The following RECK variants were observed in gnomAD, a reference collection of about 807,000 sequenced individuals.
RECK encodes the protein reversion-inducing cysteine-rich protein with Kazal motifs.
RECK carries 69 observed loss-of-function variants against 115.1 expected under a neutral mutation model. The observed-to-expected ratio is 0.60, with a 90% confidence interval of 0.49 to 0.73. RECK has a LOEUF of 0.73. RECK is among the 30% of genes least tolerant of loss of function. The pLI is 0.00. For synonymous variants in RECK, 414 were observed against 419.7 expected (o/e 0.99, Z 0.17); for missense variants, 1,047 against 1,203.7 (o/e 0.87, Z 1.93).
At chr9:36,099,398 C>T (rs1823474848) in intron 10 of RECK, among the ~76,000 whole-genome samples, 1 of 152,168 alleles carries the variant, frequency 6.6e-6, no homozygotes, top group African/African-American at 2.4e-5. Context: ...GTAAAACAGT[C>T]CTATCCTTCT....
intron 20 of RECK, 130 bp from the exon 21 acceptor site, chr9:36,122,694 C>T (rs1824505405): frequency 1.5e-6 from 1 of 661,502 alleles, no homozygotes; most frequent in South Asian, 1.9e-5. Flanking sequence ...TGGATAAGAA[C>T]AGAAGGACAA....
rs991071475 is a variant in RECK at position 36,063,799 on chromosome 9, G to C, written c.276G>C (p.Val92=). 2 of 1,613,962 alleles carry C rather than the reference G, an allele frequency of 1.2e-6. No homozygotes were observed. Among genetic ancestry groups the C allele is most frequent in the Non-Finnish European group, 1.7e-6 (2 of 1,179,838 alleles). The stretch of plus-strand genomic sequence containing the variant: ...TTTAAACATTTTGTTTTTAAGGTGT[G>C]TTTAAGAAGTCTGATGGCTGGGTTG... The part of the protein sequence containing the change: ...WNCMNSSLPG[V]FKKSDGWVGL... The change falls in exon 5 of 21, where the codon GTG becomes GTC. Residue 92 remains valine, a synonymous_variant. Coordinates refer to ENST00000377966, the MANE Select transcript of RECK (RefSeq NM_021111.3).
At chr9:36,049,134 T>C (rs1821186051) in intron 1 of RECK, among the ~76,000 whole-genome samples, 1 of 152,186 alleles carries the variant, frequency 6.6e-6, no homozygotes, top group Non-Finnish European at 1.5e-5. Flanking sequence ...AGAGCTTCTA[T>C]GTCCTCTTAT....
rs768133904 is a variant in RECK, at chr9:36,105,109, G to T, written c.1436-34G>T. On this transcript the variant is annotated intron_variant, in intron 12 of 20. Coordinates refer to ENST00000377966, the MANE Select transcript of RECK (RefSeq NM_021111.3). ...TTTACAGTTTTCTCTTACTCTTTTA[G>T]GTTGGTTAAACTAATCTGTTTTGGT... is the stretch of plus-strand genomic sequence containing the variant. 1.9e-6 allele frequency: 3 copies of T among 1,586,958 alleles called. No homozygotes were observed. In the South Asian group the frequency reaches 3.3e-5, roughly 18 times the overall value.
intron 16 of RECK, among the ~76,000 whole-genome samples, chr9:36,113,921 C>T (rs951949837): frequency 5.9e-5 from 9 of 152,116 alleles, no homozygotes; most frequent in African/African-American, 2.4e-5. Context: ...ATACAAATTC[C>T]AAAATATCAA....
intron 1 of RECK, among the ~76,000 whole-genome samples, chr9:36,038,877 T>TC (rs1820767334): frequency 6.6e-6 from 1 of 152,114 alleles, no homozygotes; most frequent in Non-Finnish European, 1.5e-5. Context: ...AGTATGAAGT[T>TC]TCTTTTGGGA....
At chr9:36,092,415 A>G (rs540666081) in intron 10 of RECK, among the ~76,000 whole-genome samples, 1 of 152,072 alleles carries the variant, frequency 6.6e-6, no homozygotes, top group East Asian at 1.9e-4. Flanking sequence ...TCTGTCACCC[A>G]GGCTGGAGTA....
rs1564125554 is a variant in RECK at position 36,094,476 on chromosome 9, A to C, written c.1085+3133A>C. 6.6e-6 allele frequency among the ~76,000 whole-genome samples: 1 copy of C among 152,156 alleles called. No homozygotes were observed. The highest frequency in any genetic ancestry group is 2.4e-5 in the African/African-American group (1 of 41,462). The stretch of plus-strand genomic sequence containing the variant: ...AAACACAACACAAAGAGGTATAGCT[A>C]AGAAGCTAATAGGAAATATAAAATG... On this transcript the variant is annotated intron_variant, in intron 10 of 20. Transcript: ENST00000377966. This position sits in a 1 kb window ranked among gnomAD's most constrained non-coding sequence, Gnocchi z 4.1.
At chr9:36,058,754 G>A in intron 2 of RECK, 73 bp from the exon 3 acceptor site, 1 of 880,988 alleles carries the variant, frequency 1.1e-6, no homozygotes, top group South Asian at 1.8e-5. Context: ...TAAATCTAGA[G>A]GATAATAAGT....
intron 15 of RECK, among the ~76,000 whole-genome samples, chr9:36,110,534 A>G (rs1382646661): frequency 6.6e-6 from 1 of 152,168 alleles, no homozygotes; most frequent in Non-Finnish European, 1.5e-5. Context: ...TGACTTTCCT[A>G]TGCTTTGCTG....
Position 36,063,890 on chromosome 9 carries a change from G to T in RECK, c.357+10G>T, listed in dbSNP as rs779078107. ...ACAGGCATGCAAGCAGGTAACACTG[G>T]GTAGTCAGGCTCTCAAACATCATGG... is the stretch of plus-strand genomic sequence containing the variant. On this transcript the variant is annotated intron_variant, in intron 5 of 20. Transcript: ENST00000377966. The T allele has an allele frequency of 6.2e-7, 1 of 1,613,282 alleles. No homozygotes were observed. Among genetic ancestry groups the T allele is most frequent in the Non-Finnish European group, 8.5e-7 (1 of 1,179,258 alleles).
chr9:36,042,011 T>A (rs7018677), intron 1 of RECK, among the ~76,000 whole-genome samples: 83,256 of 151,682 alleles, frequency 0.55, 23,216 homozygotes, highest in East Asian at 0.79. Flanking sequence ...GTGAGAGAAA[T>A]TTTTTTGTAC....
intron 18 of RECK, among the ~76,000 whole-genome samples, chr9:36,119,292 C>T (rs952936082): frequency 2.6e-5 from 4 of 151,990 alleles, no homozygotes; most frequent in South Asian, 2.1e-4. Flanking sequence ...TTACTTATTA[C>T]AAAGTTAACA....
chr9:36,061,393 T>TACACAC (rs58265948), intron 4 of RECK, among the ~76,000 whole-genome samples: 7,966 of 129,002 alleles, frequency 0.062, 327 homozygotes, highest in Middle Eastern at 0.089. Flanking sequence ...TGTAATTTTC[T>TACACAC]ACACACACAC....
intron 1 of RECK, among the ~76,000 whole-genome samples, chr9:36,040,716 G>A (rs10972705): frequency 0.087 from 13,166 of 151,860 alleles, 702 homozygotes; most frequent in East Asian, 0.3. Flanking sequence ...CTCAAGAGTA[G>A]AGTGGTGTGG....
chr9:36,118,440 T>TA (rs139504018), intron 17 of RECK, among the ~76,000 whole-genome samples: 14,071 of 152,222 alleles, frequency 0.092, 787 homozygotes, highest in East Asian at 0.28. Context: ...TCTGGGATAC[T>TA]AACAGAAGTC....
intron 13 of RECK, among the ~76,000 whole-genome samples, chr9:36,107,240 T>A (rs951902628): frequency 1.3e-5 from 2 of 152,182 alleles, no homozygotes; most frequent in African/African-American, 2.4e-5. Context: ...CAGTTTTTCC[T>A]TGAATTTAAG....
intron 2 of RECK, among the ~76,000 whole-genome samples, chr9:36,053,109 G>A (rs1821373344): frequency 6.6e-6 from 1 of 152,136 alleles, no homozygotes; most frequent in Admixed American, 6.5e-5. Context: ...GAGAATTAAA[G>A]CAAATGTTGC....
rs1331372958 is a variant in RECK, at chr9:36,083,356, T to A, written c.440-9T>A. The A allele has an allele frequency of 6.2e-7, 1 of 1,610,156 alleles. No homozygotes were observed. Among genetic ancestry groups the A allele is most frequent in the Non-Finnish European group, 8.5e-7 (1 of 1,177,522 alleles). ...TCCATGTCAGTGCCTTCTCTTTTTT[T>A]CTCCATAGTGGGCTCGGTTTGTTGC... On this transcript the variant is annotated splice_polypyrimidine_tract_variant and intron_variant, in intron 7 of 20. Coordinates refer to ENST00000377966, the MANE Select transcript of RECK (RefSeq NM_021111.3).
Sources: allele counts gnomAD v4.1 joint callset (sites outside exome capture counted in the v4.1 genomes callset), GRCh38; gene constraint gnomAD v4.1.1; non-coding constraint Gnocchi (gnomAD v3.1); transcripts MANE v1.5; gene names NCBI Gene and HGNC (gene_info 2026-07-23, HGNC 2026-07-21).